The following SSPN variants were observed in gnomAD, a reference collection of about 807,000 sequenced individuals.
SSPN encodes the protein sarcospan.
In SSPN, 15 loss-of-function variants were observed where a neutral mutation model predicts 19.1. The ratio of observed to expected loss-of-function variants is 0.78; its 90% CI spans 0.52 to 1.21. The LOEUF (loss-of-function observed/expected upper bound fraction) is 1.21, where lower values mean the gene tolerates loss of function less well. Among genes scored for constraint, SSPN ranks in the 50% most tolerant of loss-of-function variants. SSPN has a pLI of 0.00. For missense variants in SSPN, 291 were observed against 314.0 expected, an observed-to-expected ratio of 0.93 and a Z score of 0.55; for synonymous variants, 147 against 140.3, an observed-to-expected ratio of 1.05 and a Z score of -0.34.
intron 2 of SSPN, among the ~76,000 whole-genome samples, chr12:26,225,574 G>A (rs959871085): frequency 2.0e-5 from 3 of 152,054 alleles, no homozygotes; most frequent in African/African-American, 7.2e-5. Context: ...ACAGTTAATA[G>A]ATACTACTTT....
chr12:26,208,774 A>T (rs2137475838), intron 1 of SSPN, among the ~76,000 whole-genome samples: 1 of 152,192 alleles, frequency 6.6e-6, no homozygotes, highest in South Asian at 2.1e-4. Flanking sequence ...ATTTTTTCTC[A>T]CATGGATTGA....
intron 1 of SSPN, chr12:26,122,775 T>TC: frequency 6.3e-7 from 1 of 1,588,390 alleles, no homozygotes; most frequent in Non-Finnish European, 8.5e-7. Context: ...CGGCCGGGCC[T>TC]CGGCTTCGCC....
intron 2 of SSPN, among the ~76,000 whole-genome samples, chr12:26,227,866 T>G (rs1334929104): frequency 6.6e-6 from 1 of 152,220 alleles, no homozygotes; most frequent in Non-Finnish European, 1.5e-5. Context: ...TTCACGCTGT[T>G]AATCATCAGC....
In SSPN at chr12:26,195,876, C is replaced by G; in HGVS notation, c.204C>G (p.Thr68=). 3 of 1,573,722 alleles carry G rather than the reference C, an allele frequency of 1.9e-6. No individual in the cohort carries two copies. The highest frequency in any genetic ancestry group is 1.7e-4 in the Middle Eastern group (1 of 5,888). ...AGCTGGCCCTGGGCATCGCCGTGAC[C>G]GTGGTGGGCTTCCTCATGGCGAGCA... ...LLQLALGIAV[T]VVGFLMASIS... Residue 68 remains threonine (T), a synonymous_variant, in exon 1 of 3, where the codon ACC becomes ACG. Coordinates refer to ENST00000242729, the MANE Select transcript of SSPN (RefSeq NM_005086.5).
At chr12:26,191,733 G>A (rs1944789991), upstream of SSPN, among the ~76,000 whole-genome samples, 1 of 150,920 alleles carries the variant, frequency 6.6e-6, no homozygotes, top group Non-Finnish European at 1.5e-5. Flanking sequence ...CACACACAGA[G>A]GTCAGCAATA....
At chr12:26,136,343 T>C (rs563178067) in intron 1 of SSPN, among the ~76,000 whole-genome samples, 31 of 152,158 alleles carry the variant, frequency 2.0e-4, no homozygotes, top group Admixed American at 1.5e-3. Flanking sequence ...GGTGGCAGAG[T>C]TGGTATGGAC....
chr12:26,209,602 AT>A (rs1448631084), intron 1 of SSPN, among the ~76,000 whole-genome samples: 1 of 151,772 alleles, frequency 6.6e-6, no homozygotes, highest in East Asian at 1.9e-4. Context: ...ACTGCCAGCA[AT>A]TTTAATTTTT....
chr12:26,122,627 G>A (rs1944321525), intron 1 of SSPN: 2 of 1,211,564 alleles, frequency 1.7e-6, no homozygotes, highest in South Asian at 3.8e-5. Context: ...CCGCCGCCGC[G>A]CCGCCCCCCG....
upstream of SSPN, among the ~76,000 whole-genome samples, chr12:26,194,902 A>T (rs1944812537): frequency 6.6e-6 from 1 of 152,176 alleles, no homozygotes; most frequent in Non-Finnish European, 1.5e-5. Flanking sequence ...AGGAGAGAGA[A>T]GCTGTTGAGT....
rs564262329 is a variant in SSPN at position 26,214,245 on chromosome 12, A to G, written c.280-10048A>G. On this transcript the variant is annotated intron_variant, in intron 1 of 2. Transcript: ENST00000242729. ...CTGCATGGTCATTTGGACCTCAAAG[A>G]CTTTCTTTTTCACACTGCCTTAGGA... Among the ~76,000 whole-genome samples the G allele has an allele frequency of 5.3e-5, 8 of 152,290 alleles. No individual in the cohort carries two copies. The East Asian group carries it at 1.5e-3, about 29-fold the overall frequency.
chr12:26,232,855 GAATT>G lies in SSPN; in HGVS notation c.*1780_*1783del, dbSNP rs1945247895. On this transcript the variant is annotated 3_prime_UTR_variant, in exon 3 of 3. Transcript: ENST00000242729. Reference sequence around the variant, plus strand: ...GCTTAGAGGATAAGTCTCTGGAGCAGAATTTATCACACACAAAAGTTACACCAAC... The same window carrying G: ...GCTTAGAGGATAAGTCTCTGGAGCAGTATCACACACAAAAGTTACACCAAC... 3.2e-6 allele frequency: 1 copy of G among 307,724 alleles called. No homozygotes were observed. Among genetic ancestry groups the G allele is most frequent in the South Asian group, 1.3e-4 (1 of 7,622 alleles). 19.1% of individuals were successfully genotyped at this position (307,724 alleles called of 1,614,324 possible).
At chr12:26,124,080 T>G in intron 1 of SSPN, 1 of 1,602,590 alleles carries the variant, frequency 6.2e-7, no homozygotes, top group Non-Finnish European at 8.6e-7. Flanking sequence ...ACTGTCAATT[T>G]CAGATGTTCA....
intron 1 of SSPN, among the ~76,000 whole-genome samples, chr12:26,172,280 A>C (rs1032839936): frequency 6.6e-6 from 1 of 152,196 alleles, no homozygotes; most frequent in Non-Finnish European, 1.5e-5. Flanking sequence ...GCATATGGTA[A>C]AAATGTTGAA....
chr12:26,152,025 T>C (rs2137416384), intron 1 of SSPN, among the ~76,000 whole-genome samples: 1 of 152,358 alleles, frequency 6.6e-6, no homozygotes, highest in South Asian at 2.1e-4. Flanking sequence ...TATTTTGTGC[T>C]ATTCATAATT....
intron 1 of SSPN, among the ~76,000 whole-genome samples, chr12:26,154,626 C>T (rs1212510410): frequency 6.6e-6 from 1 of 152,134 alleles, no homozygotes; most frequent in Non-Finnish European, 1.5e-5. Context: ...GTTACTTAAC[C>T]TTTCTAATTT....
chr12:26,137,841 T>A (rs893136080), intron 1 of SSPN, among the ~76,000 whole-genome samples: 1 of 151,184 alleles, frequency 6.6e-6, no homozygotes, highest in Non-Finnish European at 1.5e-5. Flanking sequence ...AATTTTTTTG[T>A]ATTTTAGTAG....
intron 1 of SSPN, chr12:26,179,854 T>C (rs910353223): frequency 6.7e-5 from 10 of 150,344 alleles, no homozygotes; most frequent in African/African-American, 2.5e-4. Context: ...GTATCTCTGA[T>C]GATGCACATC....
intron 1 of SSPN, among the ~76,000 whole-genome samples, chr12:26,166,395 T>A (rs958073223): frequency 6.6e-6 from 1 of 152,178 alleles, no homozygotes; most frequent in Non-Finnish European, 1.5e-5. Context: ...AACTCGGAAA[T>A]GTAGCAACCA....
chr12:26,210,526 G>C (rs1006380497), intron 1 of SSPN, among the ~76,000 whole-genome samples: 12 of 151,446 alleles, frequency 7.9e-5, no homozygotes, highest in African/African-American at 2.4e-4. Flanking sequence ...CTCTCTCTCT[G>C]TCTCTGTCTC....
Sources: gnomAD v4.1 joint callset for allele counts (sites outside exome capture counted in the v4.1 genomes callset) on GRCh38, gnomAD v4.1.1 for gene constraint, MANE v1.5 for transcripts, NCBI Gene and HGNC (gene_info 2026-07-23, HGNC 2026-07-21) for gene names.